Variants in KSR2 observed in about 807,000 individuals in gnomAD.
KSR2 encodes kinase suppressor of ras 2.
A neutral mutation model predicts 107.8 loss-of-function variants in KSR2; 25 were observed. The observed-to-expected ratio is 0.23, with a 90% CI of 0.17 to 0.32. The LOEUF (loss-of-function observed/expected upper bound fraction) is 0.32. Ranked by LOEUF, KSR2 falls within the 10% of genes least tolerant of loss-of-function variation. KSR2 has a pLI of 1.00. For synonymous variants in KSR2, 480 were observed against 507.0 expected (o/e 0.95, Z 0.71); for missense variants, 887 against 1,268.9 (o/e 0.70, Z 4.57).
chr12:117,967,931 GC>G, intron 1 of KSR2, 144 bp downstream of exon 1: 1 of 684,988 alleles, frequency 1.5e-6, no homozygotes, highest in Middle Eastern at 4.1e-4. Flanking sequence ...AGCAAACCGT[GC>G]CCACCTTGCT....
At chr12:117,920,666 G>T (rs1004014237) in intron 1 of KSR2, among the ~76,000 whole-genome samples, 5 of 152,136 alleles carry the variant, frequency 3.3e-5, no homozygotes, top group Admixed American at 2.6e-4. Context: ...GTGGCTCAGA[G>T]AGGTGAAATC....
chr12:117,519,289 G>T (rs1874587131), intron 14 of KSR2, among the ~76,000 whole-genome samples: 1 of 152,204 alleles, frequency 6.6e-6, no homozygotes, highest in Non-Finnish European at 1.5e-5. Flanking sequence ...GCTCTTGGCA[G>T]TTGTAAAGGC....
chr12:117,579,680 T>A (rs774385597), intron 6 of KSR2, among the ~76,000 whole-genome samples: 1 of 152,076 alleles, frequency 6.6e-6, no homozygotes, highest in Non-Finnish European at 1.5e-5. Context: ...CCATCTCCCA[T>A]CACTTGCCGG....
chr12:117,840,687 C>T (rs1481475106), intron 3 of KSR2, among the ~76,000 whole-genome samples: 8 of 152,072 alleles, frequency 5.3e-5, no homozygotes, highest in Non-Finnish European at 8.8e-5. Context: ...TAAGCCACCA[C>T]GCCTGTCCCC....
At chr12:117,467,827 T>TAA in intron 19 of KSR2, 1 of 323,666 alleles carries the variant, frequency 3.1e-6, no homozygotes, top group African/African-American at 5.2e-5. Flanking sequence ...ACACATAGGC[T>TAA]GAATAAAAAA....
chr12:117,654,848 C>T (rs570914964), intron 5 of KSR2, among the ~76,000 whole-genome samples: 43 of 152,276 alleles, frequency 2.8e-4, no homozygotes, highest in African/African-American at 9.6e-4. Context: ...ACTCTGTGGA[C>T]GCCACTCAGC....
intron 7 of KSR2, 128 bp from the exon 8 acceptor site, chr12:117,558,701 G>T (rs1034640187): frequency 1.4e-6 from 1 of 694,476 alleles, no homozygotes; most frequent in Middle Eastern, 2.5e-4. Flanking sequence ...ATGGGTAGAT[G>T]GATGGGGGAT....
chr12:117,655,049 C>T (rs1884083507), intron 5 of KSR2, among the ~76,000 whole-genome samples: 1 of 152,224 alleles, frequency 6.6e-6, no homozygotes, highest in Admixed American at 6.5e-5. Context: ...GATATGTCAC[C>T]ATTCCTCAGG....
At chr12:117,498,558 C>G (rs962057039) in intron 14 of KSR2, among the ~76,000 whole-genome samples, 7 of 152,240 alleles carry the variant, frequency 4.6e-5, no homozygotes, top group African/African-American at 1.7e-4. Flanking sequence ...TGGGGATAAG[C>G]ATCCTGTGTC....
intron 4 of KSR2, among the ~76,000 whole-genome samples, chr12:117,691,839 G>T (rs1189693803): frequency 2.6e-5 from 4 of 152,344 alleles, no homozygotes; most frequent in South Asian, 4.1e-4. Context: ...CCCACACTGG[G>T]TACTGGGATA....
At chr12:117,795,296 G>A (rs1001609211) in intron 3 of KSR2, among the ~76,000 whole-genome samples, 4 of 152,280 alleles carry the variant, frequency 2.6e-5, no homozygotes, top group Admixed American at 2.0e-4. Flanking sequence ...AGAAATAGAC[G>A]AAATCCAACT....
At chr12:117,723,467 G>T (rs765720542) in intron 4 of KSR2, among the ~76,000 whole-genome samples, 12 of 152,066 alleles carry the variant, frequency 7.9e-5, no homozygotes, top group Non-Finnish European at 1.6e-4. Context: ...ATAAACTGAG[G>T]CTCAGAAAAT....
In KSR2 at chr12:117,966,667, T is replaced by C. The variant is rs1463424152; in HGVS notation, c.180+1409A>G. Among the ~76,000 whole-genome samples, 3 of 149,286 alleles carry C rather than the reference T, an allele frequency of 2.0e-5. No individual in the cohort carries two copies. The East Asian group carries it at 6.1e-4, about 30-fold the overall frequency. On this transcript the variant is annotated intron_variant, in intron 1 of 19. Coordinates refer to ENST00000339824, the MANE Select transcript of KSR2 (RefSeq NM_173598.6). ...CACACATGCTGTCTCTCTCTTTCTC[T>C]CTCTCCCTCCCTCTCTTTCTCCCTC...
At chr12:117,569,984 C>T (rs1565905082) in intron 7 of KSR2, among the ~76,000 whole-genome samples, 1 of 151,340 alleles carries the variant, frequency 6.6e-6, no homozygotes, top group Non-Finnish European at 1.5e-5. Context: ...CCCCAGGGAA[C>T]ATTTGGCAAT....
In KSR2 at chr12:117,966,647, ATG is replaced by A. The variant is rs1181907671; in HGVS notation, c.180+1427_180+1428del. Among the ~76,000 whole-genome samples, 8 of 144,028 alleles carry A rather than the reference ATG, an allele frequency of 5.6e-5. No homozygotes were observed. In the East Asian group the frequency reaches 6.1e-4, roughly 11 times the overall value. 94.5% of individuals were successfully genotyped at this position (144,028 alleles called of 152,430 possible). A position where few individuals can be genotyped will look rare whatever the true frequency, so the allele number is the denominator to read the frequency against. ...CGCACACACACACACACACACACAC[ATG>A]CTGTCTCTCTCTTTCTCTCTCTCCC... On this transcript the variant is annotated intron_variant, in intron 1 of 19. Coordinates refer to ENST00000339824, the MANE Select transcript of KSR2 (RefSeq NM_173598.6).
chr12:117,631,044 G>A (rs145795173), intron 5 of KSR2, among the ~76,000 whole-genome samples: 521 of 152,268 alleles, frequency 3.4e-3, no homozygotes, highest in Middle Eastern at 0.024. Context: ...TAAGCCAGGC[G>A]TGCTGGCTCA....
At chr12:117,958,420 T>C (rs1007626075) in intron 1 of KSR2, among the ~76,000 whole-genome samples, 2 of 152,206 alleles carry the variant, frequency 1.3e-5, no homozygotes, top group African/African-American at 2.4e-5. Context: ...AGCAGTTCCA[T>C]TTCTAGGAGC....
intron 4 of KSR2, among the ~76,000 whole-genome samples, chr12:117,694,277 G>T (rs1016614099): frequency 2.6e-5 from 4 of 152,182 alleles, no homozygotes; most frequent in African/African-American, 9.7e-5. Flanking sequence ...CATGGGGGAC[G>T]TTTCCTCCAT....
chr12:117,829,598 G>A (rs1891880983), intron 3 of KSR2, among the ~76,000 whole-genome samples: 1 of 152,182 alleles, frequency 6.6e-6, no homozygotes, highest in South Asian at 2.1e-4. Context: ...AGAAACTGAT[G>A]AAAAACAACA....
Sources: gnomAD v4.1 joint callset for allele counts (sites outside exome capture counted in the v4.1 genomes callset) on GRCh38, gnomAD v4.1.1 for gene constraint, MANE v1.5 for transcripts, NCBI Gene and HGNC (gene_info 2026-07-23, HGNC 2026-07-21) for gene names.